SPON1: variants seen among roughly 807,000 people sequenced by gnomAD.
SPON1 encodes the protein spondin 1.
A neutral mutation model predicts 111.7 loss-of-function variants in SPON1; 52 were observed. The ratio of observed to expected loss-of-function variants is 0.47; its 90% CI spans 0.37 to 0.59. The LOEUF (loss-of-function observed/expected upper bound fraction) is 0.59, where lower values mean the gene tolerates loss of function less well. SPON1 is among the 20% of genes least tolerant of loss of function. SPON1 has a pLI of 0.00. For missense variants in SPON1, 957 were observed against 1,068.5 expected, an observed-to-expected ratio of 0.90 and a Z score of 1.46; for synonymous variants, 410 against 395.8, an observed-to-expected ratio of 1.04 and a Z score of -0.43.
intron 2 of SPON1, among the ~76,000 whole-genome samples, chr11:14,008,085 G>T (rs1554913351): frequency 6.6e-6 from 1 of 152,056 alleles, no homozygotes; most frequent in African/African-American, 2.4e-5. Context: ...GTATCTGCAG[G>T]TTCTGCATCC....
chr11:14,038,157 C>A (rs1383466075), intron 2 of SPON1, among the ~76,000 whole-genome samples: 4 of 150,742 alleles, frequency 2.7e-5, no homozygotes, highest in African/African-American at 9.8e-5. Flanking sequence ...CAGAGTGGGA[C>A]TCTGTCTCAA....
chr11:14,006,384 C>G (rs1848360775), intron 2 of SPON1, among the ~76,000 whole-genome samples: 2 of 152,080 alleles, frequency 1.3e-5, no homozygotes, highest in South Asian at 2.1e-4. Context: ...GAAGAGAGCT[C>G]TCATCAATAT....
chr11:13,973,388 C>T (rs1019456722), intron 1 of SPON1, among the ~76,000 whole-genome samples: 1 of 152,228 alleles, frequency 6.6e-6, no homozygotes, highest in South Asian at 2.1e-4. Flanking sequence ...CTGCCCTCAT[C>T]CACATTCCCA....
rs537128547 is a variant in SPON1, at chr11:14,123,110, T to A, written c.677-12310T>A. On this transcript the variant is annotated intron_variant, in intron 5 of 15. Transcript: ENST00000576479. ...CATGCCCAGCTAGTTTTTAAAAAAA[T>A]TTTGTAGAGATGAGGCCTCACTATG... Among the ~76,000 whole-genome samples the A allele has an allele frequency of 3.3e-5, 5 of 152,078 alleles. No individual in the cohort carries two copies. In the East Asian group the frequency reaches 9.7e-4, roughly 29 times the overall value.
intron 6 of SPON1, among the ~76,000 whole-genome samples, chr11:14,227,200 C>T (rs886579301): frequency 2.0e-5 from 3 of 152,076 alleles, no homozygotes; most frequent in African/African-American, 4.8e-5. Context: ...TTTGTAGAGA[C>T]GCAGTGTCAC....
At chr11:14,072,724 G>A (rs1274246191) in intron 3 of SPON1, among the ~76,000 whole-genome samples, 1 of 152,156 alleles carries the variant, frequency 6.6e-6, no homozygotes, top group African/African-American at 2.4e-5. Context: ...TTTAGCAAGA[G>A]AGCTTTATGG....
intron 5 of SPON1, among the ~76,000 whole-genome samples, chr11:14,122,275 A>G (rs2133854306): frequency 6.6e-6 from 1 of 152,170 alleles, no homozygotes; most frequent in Admixed American, 6.5e-5. Context: ...CCAGGTTCAT[A>G]CCATTCTCCT....
At chr11:14,156,873 A>T (rs1342283902) in intron 6 of SPON1, among the ~76,000 whole-genome samples, 1 of 152,126 alleles carries the variant, frequency 6.6e-6, no homozygotes, top group Admixed American at 6.6e-5. Context: ...AAACAACCAA[A>T]TCTCTGAGCA....
At chr11:14,059,808 C>T (rs1247072751) in intron 3 of SPON1, among the ~76,000 whole-genome samples, 1 of 152,152 alleles carries the variant, frequency 6.6e-6, no homozygotes, top group Non-Finnish European at 1.5e-5. Context: ...TCCATTATTC[C>T]TCTGCAGCCA....
chr11:14,221,902 A>T (rs1848685169), intron 6 of SPON1, among the ~76,000 whole-genome samples: 1 of 152,184 alleles, frequency 6.6e-6, no homozygotes, highest in Admixed American at 6.5e-5. Context: ...GGTCTCTGCT[A>T]CCTACCAGCC....
intron 6 of SPON1, among the ~76,000 whole-genome samples, chr11:14,143,149 A>G (rs1391949988): frequency 6.6e-6 from 1 of 152,202 alleles, no homozygotes; most frequent in Non-Finnish European, 1.5e-5. Flanking sequence ...AGCCTGGGCA[A>G]TGGTGCCCCC....
intron 6 of SPON1, among the ~76,000 whole-genome samples, chr11:14,190,958 T>C (rs1848341027): frequency 6.6e-6 from 1 of 152,026 alleles, no homozygotes; most frequent in African/African-American, 2.4e-5. Context: ...AAATATTGTT[T>C]AAATAATGCT....
intron 6 of SPON1, among the ~76,000 whole-genome samples, chr11:14,214,217 C>A (rs565438206): frequency 6.6e-6 from 1 of 152,182 alleles, no homozygotes; most frequent in Non-Finnish European, 1.5e-5. Flanking sequence ...TGGTCCTCTG[C>A]GCGTAGGGCC....
intron 5 of SPON1, among the ~76,000 whole-genome samples, chr11:14,106,636 A>C (rs1474410263): frequency 3.9e-5 from 6 of 152,074 alleles, no homozygotes; most frequent in Non-Finnish European, 8.8e-5. Context: ...TTTTTCCTAG[A>C]CTCAGTTGAA....
chr11:14,162,122 C>A (rs1554931434), intron 6 of SPON1, among the ~76,000 whole-genome samples: 1 of 140,374 alleles, frequency 7.1e-6, no homozygotes, highest in Admixed American at 7.5e-5. Context: ...AGTGCCACTG[C>A]ACACTAGCCT....
Position 14,135,621 on chromosome 11 carries a change from C to A in SPON1, c.825+53C>A. On this transcript the variant is annotated intron_variant, in intron 6 of 15. Coordinates refer to ENST00000576479, the MANE Select transcript of SPON1 (RefSeq NM_006108.4). This position sits in a 1 kb window ranked among gnomAD's most constrained non-coding sequence, Gnocchi z 4.4. Reference sequence around the variant, plus strand: ...AAATAACAGAAATGCAGTCAAAGCACTCCTTAGATATCTTTCCCAGGGGCT... The same window carrying A: ...AAATAACAGAAATGCAGTCAAAGCAATCCTTAGATATCTTTCCCAGGGGCT... 6.4e-7 allele frequency: 1 copy of A among 1,566,966 alleles called. No homozygotes were observed. The highest frequency in any genetic ancestry group is 8.7e-7 in the Non-Finnish European group (1 of 1,143,256).
chr11:14,098,021 A>G (rs528885881), intron 5 of SPON1, among the ~76,000 whole-genome samples: 3 of 152,154 alleles, frequency 2.0e-5, no homozygotes, highest in Non-Finnish European at 4.4e-5. Context: ...TTTGAGACGG[A>G]GTCTCGCTCT....
chr11:14,221,955 A>G (rs1848685604), intron 6 of SPON1, among the ~76,000 whole-genome samples: 1 of 152,154 alleles, frequency 6.6e-6, no homozygotes, highest in African/African-American at 2.4e-5. Context: ...TGGCCCTGGG[A>G]TCACTGTCTT....
intron 6 of SPON1, among the ~76,000 whole-genome samples, chr11:14,141,029 CATG>C (rs1847650163): frequency 4.6e-3 from 601 of 131,470 alleles, no homozygotes; most frequent in Non-Finnish European, 6.0e-3. Flanking sequence ...GTGCCCCCCC[CATG>C]CCCCACTTCT....
Sources: gnomAD v4.1 joint callset for allele counts (sites outside exome capture counted in the v4.1 genomes callset) on GRCh38, gnomAD v4.1.1 for gene constraint, Gnocchi (gnomAD v3.1) non-coding constraint, MANE v1.5 for transcripts, NCBI Gene and HGNC (gene_info 2026-07-23, HGNC 2026-07-21) for gene names.